NALF1: variants seen among roughly 807,000 people sequenced by gnomAD.
NALF1 encodes the protein family with sequence similarity 155 member A.
Under a neutral mutation model 48.4 loss-of-function variants are expected in NALF1, and 3 were observed. The ratio of observed to expected loss-of-function variants is 0.06; its 90% CI spans 0.03 to 0.16. The LOEUF (loss-of-function observed/expected upper bound fraction) is 0.16. NALF1 is among the 10% of genes least tolerant of loss of function. The pLI is 1.00. For synonymous variants in NALF1, 262 were observed against 245.7 expected (o/e 1.07, Z -0.62); for missense variants, 526 against 571.5 (o/e 0.92, Z 0.81).
At chr13:107,738,204 C>T (rs185882290) in intron 1 of NALF1, among the ~76,000 whole-genome samples, 2 of 152,220 alleles carry the variant, frequency 1.3e-5, no homozygotes, top group Admixed American at 1.3e-4. Context: ...ATAGGATATC[C>T]AGTTCATTTA....
chr13:107,679,439 G>A (rs141965156), intron 1 of NALF1, among the ~76,000 whole-genome samples: 52 of 152,230 alleles, frequency 3.4e-4, no homozygotes, highest in African/African-American at 1.1e-3. Context: ...CCCGGGGGCT[G>A]GGTGAGGGAG....
intron 2 of NALF1, among the ~76,000 whole-genome samples, chr13:107,203,153 C>T (rs548253161): frequency 6.6e-6 from 1 of 152,266 alleles, no homozygotes; most frequent in South Asian, 2.1e-4. Context: ...TAGGTAAATA[C>T]TCTCATTGAA....
intron 1 of NALF1, among the ~76,000 whole-genome samples, chr13:107,819,486 G>A (rs1407667564): frequency 2.0e-5 from 3 of 152,288 alleles, no homozygotes; most frequent in African/African-American, 7.2e-5. Flanking sequence ...CTACACACCT[G>A]AAAGCTATTT....
At chr13:107,495,565 ACC>A (rs1378849684) in intron 1 of NALF1, among the ~76,000 whole-genome samples, 3 of 152,236 alleles carry the variant, frequency 2.0e-5, no homozygotes, top group South Asian at 2.1e-4. Context: ...TGTCTTGTAT[ACC>A]CTGTAGACAA....
intron 1 of NALF1, among the ~76,000 whole-genome samples, chr13:107,481,904 G>T (rs1336973467): frequency 6.6e-6 from 1 of 152,108 alleles, no homozygotes; most frequent in African/African-American, 2.4e-5. Flanking sequence ...AGTAGAGGAA[G>T]TTGACTTAAC....
chr13:107,633,788 T>C lies in NALF1; in HGVS notation c.915+231894A>G, dbSNP rs1350143245. On this transcript the variant is annotated intron_variant, in intron 1 of 2. Transcript: ENST00000375915. Reference sequence around the variant, plus strand: ...ATATATATTTATATATGGATATATATATATTCTATATATATGGATATACAT... The same window carrying C: ...ATATATATTTATATATGGATATATACATATTCTATATATATGGATATACAT... Among the ~76,000 whole-genome samples the C allele has an allele frequency of 2.0e-5, 3 of 147,806 alleles. No homozygotes were observed. The East Asian group carries it at 5.9e-4, about 29-fold the overall frequency.
intron 1 of NALF1, among the ~76,000 whole-genome samples, chr13:107,746,424 T>C (rs1876782644): frequency 1.3e-5 from 2 of 152,162 alleles, no homozygotes; most frequent in South Asian, 4.1e-4. Context: ...AAAAATAAAA[T>C]CAGGTTTCTT....
chr13:107,693,909 A>C (rs1881635976), intron 1 of NALF1, among the ~76,000 whole-genome samples: 1 of 152,100 alleles, frequency 6.6e-6, no homozygotes, highest in Non-Finnish European at 1.5e-5. Context: ...ATTAGGTAAA[A>C]ATTATCACCT....
intron 1 of NALF1, among the ~76,000 whole-genome samples, chr13:107,275,696 C>A (rs2138868039): frequency 6.6e-6 from 1 of 152,280 alleles, no homozygotes; most frequent in South Asian, 2.1e-4. Context: ...CAAATAATTT[C>A]TTGGTCTAAG....
chr13:107,358,090 A>G (rs1882994367), intron 1 of NALF1, among the ~76,000 whole-genome samples: 2 of 152,208 alleles, frequency 1.3e-5, no homozygotes, highest in South Asian at 4.1e-4. Context: ...ATGTGTGTAT[A>G]TAGACATGTG....
intron 1 of NALF1, among the ~76,000 whole-genome samples, chr13:107,271,797 TATATATATATATATATA>T (rs1566470697): frequency 0.028 from 3,797 of 134,370 alleles, 139 homozygotes; most frequent in Non-Finnish European, 0.043. Flanking sequence ...TATATATATA[TATATATATATATATATA>T]TATTTATATA....
chr13:107,252,234 A>G (rs1484459710), intron 1 of NALF1, among the ~76,000 whole-genome samples: 1 of 152,128 alleles, frequency 6.6e-6, no homozygotes, highest in Non-Finnish European at 1.5e-5. Context: ...TGCTGGATGA[A>G]GAGGCCTCAA....
chr13:107,590,791 G>A (rs1878583144), intron 1 of NALF1, among the ~76,000 whole-genome samples: 1 of 151,956 alleles, frequency 6.6e-6, no homozygotes, highest in Non-Finnish European at 1.5e-5. Context: ...TAACTGAGAA[G>A]AGGCCAAGCA....
chr13:107,865,452 C>T (rs1055681840), intron 1 of NALF1, among the ~76,000 whole-genome samples: 2 of 152,026 alleles, frequency 1.3e-5, no homozygotes, highest in Non-Finnish European at 2.9e-5. Context: ...CTCAGATAAC[C>T]GGGGACTTCC....
In NALF1 at chr13:107,729,862, T is replaced by C. The variant is rs558556349; in HGVS notation, c.915+135820A>G. On this transcript the variant is annotated intron_variant, in intron 1 of 2. Transcript: ENST00000375915. ...TGTAGCTGCCGTGGCCACATACAGT[T>C]AGTTATTTATTAGATGGACCTTGAT... Among the ~76,000 whole-genome samples, 7 of 152,312 alleles carry C rather than the reference T, an allele frequency of 4.6e-5. No homozygotes were observed. The East Asian group carries it at 1.4e-3, about 29-fold the overall frequency.
At chr13:107,289,149 C>G (rs1356967081) in intron 1 of NALF1, among the ~76,000 whole-genome samples, 1 of 152,172 alleles carries the variant, frequency 6.6e-6, no homozygotes, top group Non-Finnish European at 1.5e-5. Flanking sequence ...AGAGTTTTCT[C>G]CATTCTCTGC....
intron 1 of NALF1, among the ~76,000 whole-genome samples, chr13:107,285,586 T>C (rs1881477429): frequency 6.6e-6 from 1 of 152,204 alleles, no homozygotes; most frequent in Non-Finnish European, 1.5e-5. Context: ...CATATATGTG[T>C]ATGTATAGGT....
chr13:107,534,788 C>T (rs1377953582), intron 1 of NALF1, among the ~76,000 whole-genome samples: 1 of 152,140 alleles, frequency 6.6e-6, no homozygotes, highest in African/African-American at 2.4e-5. Flanking sequence ...ATGACAACCA[C>T]TGACCTGAAG....
intron 1 of NALF1, among the ~76,000 whole-genome samples, chr13:107,483,328 G>A (rs1304820884): frequency 6.6e-6 from 1 of 152,076 alleles, no homozygotes; most frequent in Non-Finnish European, 1.5e-5. Context: ...CTGAAAACTA[G>A]AAGTATAATA....
Sources: allele counts gnomAD v4.1 joint callset (sites outside exome capture counted in the v4.1 genomes callset), GRCh38; gene constraint gnomAD v4.1.1; transcripts MANE v1.5; gene names NCBI Gene and HGNC (gene_info 2026-07-23, HGNC 2026-07-21).